IQCM: variants seen among roughly 807,000 people sequenced by gnomAD.
IQCM encodes the protein IQ motif containing M, also known as IQ domain-containing protein M.
Under a neutral mutation model 57.6 loss-of-function variants are expected in IQCM, and 45 were observed. The observed-to-expected ratio is 0.78, with a 90% CI of 0.62 to 1.00. IQCM has a LOEUF of 1.00. Among genes scored for constraint, IQCM ranks in the 50% least tolerant of loss-of-function variants. The pLI, the probability that IQCM is intolerant of heterozygous loss-of-function variation, is 0.00. For missense variants in IQCM, 468 were observed against 511.6 expected, an observed-to-expected ratio of 0.91 and a Z score of 0.82; for synonymous variants, 148 against 158.9, an observed-to-expected ratio of 0.93 and a Z score of 0.51.
chr4:149,466,644 T>C (rs1738887437), intron 12 of IQCM, among the ~76,000 whole-genome samples: 1 of 152,160 alleles, frequency 6.6e-6, no homozygotes, highest in African/African-American at 2.4e-5. Context: ...CCCTGTAACT[T>C]TGGAAGGTAG....
chr4:149,451,663 T>A (rs1466392586), intron 12 of IQCM, among the ~76,000 whole-genome samples: 2 of 151,810 alleles, frequency 1.3e-5, no homozygotes, highest in Non-Finnish European at 2.9e-5. Flanking sequence ...TCTGAATAGA[T>A]GCAGAAAAAG....
At position 149,430,250 on chromosome 4, in the gene IQCM, T is replaced by A. The variant is rs6824869; in HGVS notation, c.1390+3146A>T. Among the ~76,000 whole-genome samples, 1,430 of 152,120 alleles carry A rather than the reference T, an allele frequency of 9.4e-3. 15 individuals are homozygous for A. Among genetic ancestry groups the A allele is most frequent in the African/African-American group, 0.033 (1,359 of 41,538 alleles). ...CTTTAAGTAAGTTTTAAAATGCAAG[T>A]TTTAAAGCTTCAAGAGGAAACATCT... On this transcript the variant is annotated intron_variant, in intron 13 of 13. Coordinates refer to ENST00000636793, the MANE Select transcript of IQCM (RefSeq NM_001363507.2).
intron 8 of IQCM, among the ~76,000 whole-genome samples, chr4:149,594,407 G>C (rs1426980130): frequency 6.6e-6 from 1 of 152,054 alleles, no homozygotes; most frequent in Non-Finnish European, 1.5e-5. Flanking sequence ...CAAAAAACCA[G>C]CTCCTGGATT....
chr4:149,742,506 G>A (rs1580177409), intron 3 of IQCM, 149 bp downstream of exon 3: 3 of 448,498 alleles, frequency 6.7e-6, no homozygotes, highest in African/African-American at 4.1e-5. Flanking sequence ...TCAAAAGTTG[G>A]TTATTTTTAA....
At chr4:149,490,160 G>A (rs1741940718) in intron 12 of IQCM, among the ~76,000 whole-genome samples, 1 of 151,604 alleles carries the variant, frequency 6.6e-6, no homozygotes, top group Admixed American at 6.6e-5. Flanking sequence ...TAAACTAATG[G>A]TTCTAAAAAG....
intron 2 of IQCM, among the ~76,000 whole-genome samples, chr4:149,766,771 G>GTA (rs1186516607): frequency 3.3e-5 from 5 of 152,096 alleles, no homozygotes; most frequent in African/African-American, 1.2e-4. Flanking sequence ...ATAAATCTTA[G>GTA]TATAGAAAAG....
chr4:149,593,428 C>T (rs1753418326), intron 8 of IQCM, among the ~76,000 whole-genome samples: 1 of 152,000 alleles, frequency 6.6e-6, no homozygotes, highest in Non-Finnish European at 1.5e-5. Flanking sequence ...TTTCTCTTTT[C>T]CTAATTGAAT....
chr4:149,582,493 T>C (rs1752305475), intron 9 of IQCM, among the ~76,000 whole-genome samples: 1 of 150,712 alleles, frequency 6.6e-6, no homozygotes, highest in African/African-American at 2.4e-5. Flanking sequence ...CAGACAACTC[T>C]CTGAAAATCA....
At chr4:149,589,778 T>G (rs1245715174) in intron 8 of IQCM, among the ~76,000 whole-genome samples, 4 of 152,042 alleles carry the variant, frequency 2.6e-5, no homozygotes, top group Non-Finnish European at 4.4e-5. Flanking sequence ...AATACTGTAC[T>G]TTTTTAAATG....
intron 12 of IQCM, among the ~76,000 whole-genome samples, chr4:149,484,722 A>C (rs1741280894): frequency 6.6e-6 from 1 of 152,012 alleles, no homozygotes; most frequent in African/African-American, 2.4e-5. Flanking sequence ...TTTCTACTTA[A>C]GACAAGAATA....
At chr4:149,663,279 T>C (rs962367193) in intron 7 of IQCM, among the ~76,000 whole-genome samples, 7 of 152,058 alleles carry the variant, frequency 4.6e-5, no homozygotes, top group Non-Finnish European at 1.0e-4. Flanking sequence ...TGCTTTTTTT[T>C]TAACCATTTT....
chr4:149,661,501 T>G (rs2150155332), intron 7 of IQCM, among the ~76,000 whole-genome samples: 1 of 152,240 alleles, frequency 6.6e-6, no homozygotes, highest in East Asian at 1.9e-4. Context: ...CTCCTCGAGT[T>G]TATAGAAGAG....
At chr4:149,527,089 G>A (rs1746235643) in intron 12 of IQCM, among the ~76,000 whole-genome samples, 1 of 152,106 alleles carries the variant, frequency 6.6e-6, no homozygotes, top group South Asian at 2.1e-4. Context: ...ACGGGAATCA[G>A]CATATCAACT....
At chr4:149,554,627 T>C (rs1749372140) in intron 10 of IQCM, among the ~76,000 whole-genome samples, 1 of 150,828 alleles carries the variant, frequency 6.6e-6, no homozygotes, top group Non-Finnish European at 1.5e-5. Context: ...TTTGCATCCA[T>C]TCTACAAGAT....
intron 2 of IQCM, among the ~76,000 whole-genome samples, chr4:149,783,113 A>G (rs1771764252): frequency 2.0e-5 from 3 of 152,118 alleles, no homozygotes; most frequent in East Asian, 3.9e-4. Flanking sequence ...ACATTCATCT[A>G]TCTAACTACT....
chr4:149,781,988 AT>A (rs146781968), intron 2 of IQCM, among the ~76,000 whole-genome samples: 6,340 of 150,014 alleles, frequency 0.042, 174 homozygotes, highest in African/African-American at 0.07. Context: ...GTAAGACAAT[AT>A]TTTTTTTTTA....
At chr4:149,658,685 C>T (rs192536340) in intron 7 of IQCM, among the ~76,000 whole-genome samples, 30 of 152,154 alleles carry the variant, frequency 2.0e-4, no homozygotes, top group African/African-American at 7.2e-4. Context: ...TCAATGAAGA[C>T]ATCTTTCACA....
chr4:149,489,278 C>A (rs1451628689), intron 12 of IQCM, among the ~76,000 whole-genome samples: 3 of 152,054 alleles, frequency 2.0e-5, no homozygotes, highest in Non-Finnish European at 4.4e-5. Flanking sequence ...CCAGCATAGT[C>A]TTCTCAGCAA....
intron 7 of IQCM, among the ~76,000 whole-genome samples, chr4:149,653,543 A>G (rs1022751804): frequency 5.3e-5 from 8 of 152,082 alleles, no homozygotes; most frequent in African/African-American, 1.7e-4. Flanking sequence ...GTGTGTATGT[A>G]TGAGCATGAG....
Sources: gnomAD v4.1 joint callset for allele counts (sites outside exome capture counted in the v4.1 genomes callset) on GRCh38, gnomAD v4.1.1 for gene constraint, MANE v1.5 for transcripts, NCBI Gene and HGNC (gene_info 2026-07-23, HGNC 2026-07-21) for gene names.